Variants in LMCD1 observed in about 807,000 individuals in gnomAD.
The protein encoded by LMCD1 is LIM and cysteine rich domains 1, also known as LIM and cysteine-rich domains protein 1.
A neutral mutation model predicts 42.7 loss-of-function variants in LMCD1; 32 were observed. That is an observed-to-expected ratio of 0.75 (90% CI 0.57 to 1.01). The LOEUF (loss-of-function observed/expected upper bound fraction) is 1.01. Among genes scored for constraint, LMCD1 ranks in the 50% least tolerant of loss-of-function variants. The probability of loss-of-function intolerance (pLI) is 0.00; values close to 1 mark genes in which losing one functional copy is unlikely to be tolerated. For missense variants in LMCD1, 458 were observed against 483.1 expected, an observed-to-expected ratio of 0.95 and a Z score of 0.49; for synonymous variants, 178 against 184.9, an observed-to-expected ratio of 0.96 and a Z score of 0.30.
At position 8,574,426 on chromosome 3, in the gene LMCD1, G is replaced by C. The variant is rs1302683667; in HGVS notation, c.*6828G>C. The C allele has an allele frequency of 6.6e-6, 1 of 152,406 alleles. No homozygotes were observed. The highest frequency in any genetic ancestry group is 2.4e-5 in the African/African-American group (1 of 41,450). 9.4% of individuals were successfully genotyped at this position (152,406 alleles called of 1,614,324 possible). A position where few individuals can be genotyped will look rare whatever the true frequency, so the allele number is the denominator to read the frequency against. On this transcript the variant is annotated 3_prime_UTR_variant, in exon 6 of 6. Coordinates refer to ENST00000157600, the MANE Select transcript of LMCD1 (RefSeq NM_014583.4). The stretch of plus-strand genomic sequence containing the variant: ...AGCATGGAGAAGAAGCAATCTTGGA[G>C]AAGCTGGAAGAGAACTGACCCAAAG...
At chr3:8,502,064 G>T in intron 1 of LMCD1, 84 bp downstream of exon 1, 1 of 1,306,942 alleles carries the variant, frequency 7.7e-7, no homozygotes, top group East Asian at 2.6e-5. Flanking sequence ...CTTCCCAAAA[G>T]GTAATGAGAA....
chr3:8,562,554 C>T (rs1403103733), intron 4 of LMCD1, among the ~76,000 whole-genome samples: 1 of 152,164 alleles, frequency 6.6e-6, no homozygotes, highest in Non-Finnish European at 1.5e-5. Context: ...AAAATGAGTG[C>T]ATTTCCTGTG....
At position 8,572,492 on chromosome 3, in the gene LMCD1, A is replaced by T. The variant is rs1695235169; in HGVS notation, c.*4894A>T. 6.6e-6 allele frequency: 1 copy of T among 152,194 alleles called. No homozygotes were observed. Among genetic ancestry groups the T allele is most frequent in the East Asian group, 1.9e-4 (1 of 5,202 alleles). The allele number at this position is 152,194 out of a possible 1,614,324, so 9.4% of individuals were successfully genotyped here. ...ACTCACTCATTCTTAGTATTCATTG[A>T]CGTTTACTGATCGAACTAATTATTA... On this transcript the variant is annotated 3_prime_UTR_variant, in exon 6 of 6. Coordinates refer to ENST00000157600, the MANE Select transcript of LMCD1 (RefSeq NM_014583.4).
At position 8,501,867 on chromosome 3, in the gene LMCD1, C is replaced by T. The variant is rs1693729435; in HGVS notation, c.-72C>T. 1 of 1,444,908 alleles carries T rather than the reference C, an allele frequency of 6.9e-7. No individual in the cohort carries two copies. The highest frequency in any genetic ancestry group is 2.6e-5 in the East Asian group (1 of 38,924). The allele number at this position is 1,444,908 out of a possible 1,614,324, so 89.5% of individuals were successfully genotyped here. A position where few individuals can be genotyped will look rare whatever the true frequency, so the allele number is the denominator to read the frequency against. ...GCCCGCGAACTTGGCCATTCAGCCG[C>T]CGCTGTCCCCGCTGCGCGCCCTCGC... On this transcript the variant is annotated 5_prime_UTR_variant, in exon 1 of 6. Transcript: ENST00000157600.
chr3:8,563,963 T>C (rs1349455902), intron 4 of LMCD1, among the ~76,000 whole-genome samples: 1 of 152,144 alleles, frequency 6.6e-6, no homozygotes, highest in Non-Finnish European at 1.5e-5. Flanking sequence ...TCCTCAAAAC[T>C]GTCATGGTGG....
intron 4 of LMCD1, among the ~76,000 whole-genome samples, chr3:8,557,259 C>A (rs554399169): frequency 6.6e-6 from 1 of 152,166 alleles, no homozygotes; most frequent in African/African-American, 2.4e-5. Context: ...ATAAAAACCT[C>A]TGGGATACAT....
chr3:8,553,285 A>T (rs1694872508), intron 4 of LMCD1, among the ~76,000 whole-genome samples: 1 of 151,882 alleles, frequency 6.6e-6, no homozygotes, highest in Non-Finnish European at 1.5e-5. Context: ...CCTTCCTCTG[A>T]GTCCTTGGGA....
At chr3:8,506,410 C>T (rs530990456) in intron 1 of LMCD1, among the ~76,000 whole-genome samples, 17 of 152,264 alleles carry the variant, frequency 1.1e-4, no homozygotes, top group Non-Finnish European at 2.2e-4. Context: ...CTGAATTCAG[C>T]AAAGGCTGGG....
At chr3:8,505,589 C>T (rs1362035985) in intron 1 of LMCD1, among the ~76,000 whole-genome samples, 1 of 152,214 alleles carries the variant, frequency 6.6e-6, no homozygotes, top group Non-Finnish European at 1.5e-5. Context: ...AGCTAGGAAC[C>T]TGTTCATAGT....
At chr3:8,541,218 T>G (rs888505969) in intron 3 of LMCD1, among the ~76,000 whole-genome samples, 1 of 152,136 alleles carries the variant, frequency 6.6e-6, no homozygotes, top group Non-Finnish European at 1.5e-5. Flanking sequence ...CCACCCAAGA[T>G]GTCCCGACCA....
chr3:8,512,401 T>A (rs1469106608), intron 1 of LMCD1, among the ~76,000 whole-genome samples: 1 of 152,220 alleles, frequency 6.6e-6, no homozygotes, highest in Non-Finnish European at 1.5e-5. Context: ...CTAGGATGAT[T>A]GTCCTTGATT....
intron 1 of LMCD1, among the ~76,000 whole-genome samples, chr3:8,529,522 G>C (rs995509915): frequency 6.6e-6 from 1 of 152,180 alleles, no homozygotes; most frequent in Non-Finnish European, 1.5e-5. Flanking sequence ...TGTGCTTGTT[G>C]AGATTTTAAC....
chr3:8,555,689 C>G (rs1349011782), intron 4 of LMCD1, among the ~76,000 whole-genome samples: 3 of 146,496 alleles, frequency 2.0e-5, no homozygotes, highest in Admixed American at 1.4e-4. Context: ...AAATACTTTT[C>G]CATGTTGCCA....
At chr3:8,517,981 C>T (rs1028343995) in intron 1 of LMCD1, among the ~76,000 whole-genome samples, 83 of 151,556 alleles carry the variant, frequency 5.5e-4, no homozygotes, top group South Asian at 2.1e-4. Context: ...AAGCATCTTA[C>T]GTACATTAAA....
intron 1 of LMCD1, among the ~76,000 whole-genome samples, chr3:8,507,633 T>C (rs1007336272): frequency 8.5e-5 from 13 of 152,200 alleles, no homozygotes; most frequent in Non-Finnish European, 1.2e-4. Flanking sequence ...CCGGAGATGA[T>C]TGACATTTTC....
intron 1 of LMCD1, among the ~76,000 whole-genome samples, chr3:8,529,788 T>C (rs1694376612): frequency 6.6e-6 from 1 of 152,144 alleles, no homozygotes; most frequent in Non-Finnish European, 1.5e-5. Flanking sequence ...TAGAAAAAAA[T>C]GTGTTGAGAA....
chr3:8,566,785 A>G (rs1036625180), intron 5 of LMCD1, among the ~76,000 whole-genome samples: 5 of 152,220 alleles, frequency 3.3e-5, no homozygotes, highest in Non-Finnish European at 7.3e-5. Context: ...AGCCTTTCAT[A>G]TGTAGTTGGT....
intron 1 of LMCD1, among the ~76,000 whole-genome samples, chr3:8,507,562 T>C (rs1444961200): frequency 1.3e-5 from 2 of 152,222 alleles, no homozygotes; most frequent in Non-Finnish European, 2.9e-5. Flanking sequence ...ACTTGTTCTC[T>C]GTTAGGACAG....
rs546965247 is a variant in LMCD1 at position 8,527,087 on chromosome 3, T to A, written c.43-5650T>A. On this transcript the variant is annotated intron_variant, in intron 1 of 5. Transcript: ENST00000157600. ...TTAACCTCTCTGAGCCTCAGTTTCC[T>A]TATCTGAAAATGAGGCTAATGAAAT... 2.6e-5 allele frequency among the ~76,000 whole-genome samples: 4 copies of A among 152,328 alleles called. No individual in the cohort carries two copies. In the South Asian group the frequency reaches 8.3e-4, roughly 32 times the overall value.
Sources: gnomAD v4.1 joint callset for allele counts (sites outside exome capture counted in the v4.1 genomes callset) on GRCh38, gnomAD v4.1.1 for gene constraint, MANE v1.5 for transcripts, NCBI Gene and HGNC (gene_info 2026-07-23, HGNC 2026-07-21) for gene names.